Variants in TBC1D31 observed in about 807,000 individuals in gnomAD.
TBC1D31 encodes WD repeat domain 67.
In TBC1D31, 99 loss-of-function variants were observed where a neutral mutation model predicts 132.9. The observed-to-expected ratio is 0.74, with a 90% CI of 0.63 to 0.88. The LOEUF (loss-of-function observed/expected upper bound fraction) is 0.88, where lower values mean the gene tolerates loss of function less well. Among genes scored for constraint, TBC1D31 ranks in the 40% least tolerant of loss-of-function variants. The pLI, the probability that TBC1D31 is intolerant of heterozygous loss-of-function variation, is 0.00. For missense variants in TBC1D31, 1,134 were observed against 1,256.6 expected (o/e 0.90, Z 1.48); for synonymous variants, 385 against 419.4 (o/e 0.92, Z 1.00).
At chr8:123,148,786 A>G (rs554501168) in intron 20 of TBC1D31, among the ~76,000 whole-genome samples, 19 of 152,270 alleles carry the variant, frequency 1.2e-4, no homozygotes, top group African/African-American at 4.1e-4. Flanking sequence ...GGGAGGCCAA[A>G]TCATGCCTAC....
intron 16 of TBC1D31, among the ~76,000 whole-genome samples, chr8:123,132,892 G>T (rs1215849129): frequency 3.3e-5 from 5 of 152,040 alleles, no homozygotes; most frequent in African/African-American, 1.2e-4. Context: ...TGTTCTTCCC[G>T]CAAAGTAAGC....
rs184670124 is a variant in TBC1D31, at chr8:123,092,994, T to C, written c.520-597T>C. ...GCCTGAGTAATTTTTTTATTTTTAA[T>C]AGAGACGAGGTTTCACCTTGTTGGT... On this transcript the variant is annotated intron_variant, in intron 4 of 21. Coordinates refer to ENST00000287380, the MANE Select transcript of TBC1D31 (RefSeq NM_145647.4). Among the ~76,000 whole-genome samples the C allele has an allele frequency of 3.9e-5, 6 of 152,060 alleles. No individual in the cohort carries two copies. In the East Asian group the frequency reaches 1.2e-3, roughly 29 times the overall value.
downstream of TBC1D31, among the ~76,000 whole-genome samples, chr8:123,155,199 C>A (rs976417132): frequency 6.6e-6 from 1 of 152,108 alleles, no homozygotes; most frequent in Non-Finnish European, 1.5e-5. The surrounding 1 kb of genome is among the most constrained non-coding windows in gnomAD (Gnocchi z 4.1). Flanking sequence ...CACATCTGGC[C>A]TCCTCACTCA....
At position 123,142,310 on chromosome 8, in the gene TBC1D31, G is replaced by A. The variant is rs768430577; in HGVS notation, c.2689G>A (p.Asp897Asn). The change falls in exon 19 of 22, where the codon GAC becomes AAC. Residue 897 changes from aspartate to asparagine, a missense_variant. Transcript: ENST00000287380. ...GGCTGAACAAGCATGCCTAAATACC[G>A]ACTGGCAGATTCAGTCTTTACATAA... ...AKAEQACLNT[D>N]WQIQSLHKQK... The A allele has an allele frequency of 3.7e-5, 59 of 1,599,886 alleles. 1 individual carries two copies. In the South Asian group the frequency reaches 5.5e-4, roughly 15 times the overall value.
intron 14 of TBC1D31, among the ~76,000 whole-genome samples, chr8:123,128,721 A>T (rs1820336278): frequency 6.6e-6 from 1 of 152,084 alleles, no homozygotes; most frequent in Admixed American, 6.5e-5. Context: ...CTAAAGATAC[A>T]AAAAATTAGC....
At chr8:123,100,728 C>T (rs1331398802) in intron 6 of TBC1D31, 79 bp from the exon 7 acceptor site, 13 of 1,039,180 alleles carry the variant, frequency 1.3e-5, no homozygotes, top group South Asian at 2.7e-5. Flanking sequence ...GTTGCATACA[C>T]GTAAAGACGT....
chr8:123,089,189 GT>G (rs1248715384), intron 4 of TBC1D31, among the ~76,000 whole-genome samples: 1 of 152,140 alleles, frequency 6.6e-6, no homozygotes, highest in Non-Finnish European at 1.5e-5. Context: ...CAATTGGTGA[GT>G]ATAATGCAAA....
intron 6 of TBC1D31, among the ~76,000 whole-genome samples, chr8:123,098,799 T>C (rs1817078780): frequency 6.6e-6 from 1 of 152,180 alleles, no homozygotes; most frequent in Non-Finnish European, 1.5e-5. Context: ...AATCCCAGAG[T>C]TGAAATAGTG....
chr8:123,134,217 G>A lies in TBC1D31; in HGVS notation c.2499+11G>A, dbSNP rs1361513510. ...AGACTTTATGAGAAGGTATAATTCA[G>A]TTATTTCCAACATAAGAAAAGCAGG... On this transcript the variant is annotated intron_variant, in intron 17 of 21. Coordinates refer to ENST00000287380, the MANE Select transcript of TBC1D31 (RefSeq NM_145647.4). 5.0e-6 allele frequency: 8 copies of A among 1,610,002 alleles called. No individual in the cohort carries two copies. In the African/African-American group the frequency reaches 8.0e-5, roughly 16 times the overall value.
intron 16 of TBC1D31, among the ~76,000 whole-genome samples, chr8:123,131,956 G>T (rs2130828686): frequency 6.6e-6 from 1 of 152,094 alleles, no homozygotes; most frequent in South Asian, 2.1e-4. Flanking sequence ...TGTATCATTT[G>T]TCCATCTTTT....
At chr8:123,116,846 T>A (rs1818963451) in intron 10 of TBC1D31, among the ~76,000 whole-genome samples, 1 of 151,970 alleles carries the variant, frequency 6.6e-6, no homozygotes, top group Non-Finnish European at 1.5e-5. Flanking sequence ...AAAATAAATA[T>A]CCATGAGTTC....
rs551750228 is a variant in TBC1D31, at chr8:123,077,311, CTG to C, written c.224+56_224+57del. The C allele has an allele frequency of 1.2e-5, 18 of 1,485,442 alleles. No homozygotes were observed. In the African/African-American group the frequency reaches 2.6e-4, roughly 21 times the overall value. The allele number at this position is 1,485,442 out of a possible 1,614,324, so 92.0% of individuals were successfully genotyped here. On this transcript the variant is annotated intron_variant, in intron 2 of 21. Coordinates refer to ENST00000287380, the MANE Select transcript of TBC1D31 (RefSeq NM_145647.4). ...CTTTAACAAGTTATTAATTCACTGA[CTG>C]TTTTCGTACCTGCTATTCATTATTC...
intron 11 of TBC1D31, among the ~76,000 whole-genome samples, chr8:123,125,666 T>C (rs1403361681): frequency 6.6e-6 from 1 of 152,170 alleles, no homozygotes; most frequent in African/African-American, 2.4e-5. Context: ...TTTTAGTAGA[T>C]TTGAGGAGAT....
At chr8:123,157,475 T>G in the TBC1D31 span, among the ~76,000 whole-genome samples, 2 of 152,152 alleles carry the variant, frequency 1.3e-5, no homozygotes, top group Non-Finnish European at 2.9e-5. Flanking sequence ...GTGGCTGGCT[T>G]GTCAATGCCT....
intron 5 of TBC1D31, 87 bp downstream of exon 5, chr8:123,093,829 T>C: frequency 1.0e-6 from 1 of 966,518 alleles, no homozygotes; most frequent in South Asian, 3.4e-5. Context: ...TTTTATTCAG[T>C]ATCTTTTTGT....
At chr8:123,114,538 T>G (rs948686291) in intron 10 of TBC1D31, among the ~76,000 whole-genome samples, 1 of 152,162 alleles carries the variant, frequency 6.6e-6, no homozygotes, top group African/African-American at 2.4e-5. Context: ...GCCAGGCTGG[T>G]CTGGAATTCC....
intron 14 of TBC1D31, among the ~76,000 whole-genome samples, chr8:123,128,827 G>A (rs189438571): frequency 6.5e-4 from 99 of 151,348 alleles, no homozygotes; most frequent in Non-Finnish European, 1.2e-3. Flanking sequence ...AGTGAGCGGA[G>A]ATCATGCCAT....
Position 123,084,251 on chromosome 8 carries a change from ACTT to A in TBC1D31, c.436_438del (p.Ser146del). On this transcript the variant is annotated inframe_deletion, in exon 4 of 22. Coordinates refer to ENST00000287380, the MANE Select transcript of TBC1D31 (RefSeq NM_145647.4). ...TGCATCAGGGAAATATGCCATCACA[ACTT>A]CTTCTGATACAGCACAATTATGGGA... 6.2e-7 allele frequency: 1 copy of A among 1,614,190 alleles called. No homozygotes were observed. The highest frequency in any genetic ancestry group is 1.7e-5 in the Admixed American group (1 of 60,020).
intron 7 of TBC1D31, 43 bp downstream of exon 7, chr8:123,101,050 T>G (rs777046857): frequency 7.7e-7 from 1 of 1,298,214 alleles, no homozygotes; most frequent in South Asian, 1.2e-5. Context: ...TTATAAACAC[T>G]TATATATTAT....
Sources: allele counts gnomAD v4.1 joint callset (sites outside exome capture counted in the v4.1 genomes callset), GRCh38; gene constraint gnomAD v4.1.1; non-coding constraint Gnocchi (gnomAD v3.1); transcripts MANE v1.5; gene names NCBI Gene and HGNC (gene_info 2026-07-23, HGNC 2026-07-21).